Variants in CPXM1 observed in about 807,000 individuals in gnomAD.
CPXM1 encodes probable carboxypeptidase X1.
Under a neutral mutation model 80.4 loss-of-function variants are expected in CPXM1, and 72 were observed. That is an observed-to-expected ratio of 0.90 (90% CI 0.74 to 1.09). CPXM1 has a LOEUF of 1.09. Ranked by LOEUF, CPXM1 falls within the 50% of genes least tolerant of loss-of-function variation. CPXM1 has a pLI of 0.00. For missense variants in CPXM1, 892 were observed against 999.4 expected, an observed-to-expected ratio of 0.89 and a Z score of 1.45; for synonymous variants, 403 against 405.6, an observed-to-expected ratio of 0.99 and a Z score of 0.08.
Position 2,796,628 on chromosome 20 carries a change from T to A in CPXM1, c.944A>T (p.Gln315Leu). The A allele has an allele frequency of 6.2e-7, 1 of 1,614,160 alleles. No homozygotes were observed. The highest frequency in any genetic ancestry group is 8.5e-7 in the Non-Finnish European group (1 of 1,179,998). The part of the protein sequence containing the change: ...MRKLMKQVQE[Q>L]CPNITRIYSI... Reference sequence around the variant, plus strand: ...GTAGATGCGGGTGATGTTGGGGCATTGCTCTTGTACCTGCTTCATCAGCTG... The same window carrying A: ...GTAGATGCGGGTGATGTTGGGGCATAGCTCTTGTACCTGCTTCATCAGCTG... Residue 315 changes from glutamine to leucine, a missense_variant, in exon 8 of 14, where the codon CAA becomes CTA. Around this residue, in one of 2 missense-constraint regions of CPXM1, gnomAD observed 874 missense variants for 958.4 expected, o/e 0.91. Transcript: ENST00000380605. The surrounding 1 kb of genome is among the most constrained non-coding windows in gnomAD (Gnocchi z 6.8).
Position 2,794,532 on chromosome 20 carries a change from C to G in CPXM1, c.1963+5G>C. The G allele has an allele frequency of 6.2e-7, 1 of 1,614,052 alleles. No homozygotes were observed. Among genetic ancestry groups the G allele is most frequent in the East Asian group, 2.2e-5 (1 of 44,872 alleles). ...CCCTTCCCTTGCCCTCCCGGTCAAACACACCCGTGGTCACGTCATGGTTAA... is the reference window on the plus strand; with the variant it reads ...CCCTTCCCTTGCCCTCCCGGTCAAAGACACCCGTGGTCACGTCATGGTTAA... On this transcript the variant is annotated splice_donor_5th_base_variant and intron_variant, in intron 13 of 13. Transcript: ENST00000380605. The surrounding 1 kb of genome is among the most constrained non-coding windows in gnomAD (Gnocchi z 5.2).
intron 1 of CPXM1, 71 bp from the exon 2 acceptor site, chr20:2,798,964 C>A: frequency 4.0e-6 from 6 of 1,504,306 alleles, no homozygotes; most frequent in Non-Finnish European, 5.4e-6. Flanking sequence ...GGTCTGCCAG[C>A]CCAAGAAGAC....
chr20:2,796,956 A>C lies in CPXM1; in HGVS notation c.921+50T>G. On this transcript the variant is annotated intron_variant, in intron 7 of 13. Coordinates refer to ENST00000380605, the MANE Select transcript of CPXM1 (RefSeq NM_019609.5). The surrounding 1 kb of genome is among the most constrained non-coding windows in gnomAD (Gnocchi z 6.8). ...GCCCCGGTGGGAAGGTGGGAAGGGG[A>C]CCTGAGATGGGTGGGCCCTCCTTCC... 6.5e-7 allele frequency: 1 copy of C among 1,532,150 alleles called. No homozygotes were observed. Among genetic ancestry groups the C allele is most frequent in the South Asian group, 1.1e-5 (1 of 88,502 alleles). 94.9% of individuals were successfully genotyped at this position (1,532,150 alleles called of 1,614,324 possible).
At position 2,796,991 on chromosome 20, in the gene CPXM1, G is replaced by A. The variant is rs752260373; in HGVS notation, c.921+15C>T. 2.0e-5 allele frequency: 32 copies of A among 1,610,320 alleles called. No individual in the cohort carries two copies. The highest frequency in any genetic ancestry group is 1.7e-6 in the Non-Finnish European group (2 of 1,176,764). The stretch of plus-strand genomic sequence containing the variant: ...GGTGGGCCCTCCTTCCCAGGTCATA[G>A]GGGTTATATCTGACCTTCCTCATGG... On this transcript the variant is annotated intron_variant, in intron 7 of 13. Coordinates refer to ENST00000380605, the MANE Select transcript of CPXM1 (RefSeq NM_019609.5). This position sits in a 1 kb window ranked among gnomAD's most constrained non-coding sequence, Gnocchi z 6.8.
intron 1 of CPXM1, among the ~76,000 whole-genome samples, chr20:2,799,563 T>C (rs2146563742): frequency 6.6e-6 from 1 of 152,254 alleles, no homozygotes; most frequent in Middle Eastern, 3.4e-3. Context: ...TTTCCGCATC[T>C]GGTGCCCCTG....
chr20:2,795,785 G>A lies in CPXM1; in HGVS notation c.1534C>T (p.Arg512Cys), dbSNP rs577150634. ...AGCTCGCGGGCAGCCCACGGGGTGC[G>A]AGTCATGTCGAATGGGTAGGACACC... The part of the protein sequence containing the change: ...LVVSYPFDMT[R>C]TPWAARELTP... The change falls in exon 11 of 14, where the codon CGC becomes TGC. Residue 512 changes from arginine (R) to cysteine (C), a missense_variant. Transcript: ENST00000380605. This position sits in a 1 kb window ranked among gnomAD's most constrained non-coding sequence, Gnocchi z 5.4. 1.2e-5 allele frequency: 20 copies of A among 1,612,722 alleles called. No individual in the cohort carries two copies. In the East Asian group the frequency reaches 2.0e-4, roughly 16 times the overall value.
chr20:2,797,189 C>T lies in CPXM1; in HGVS notation c.832+3G>A, dbSNP rs2146560317. The T allele has an allele frequency of 6.3e-7, 1 of 1,596,364 alleles. No homozygotes were observed. Among genetic ancestry groups the T allele is most frequent in the Non-Finnish European group, 8.6e-7 (1 of 1,168,680 alleles). On this transcript the variant is annotated splice_donor_region_variant and intron_variant, in intron 6 of 13. Coordinates refer to ENST00000380605, the MANE Select transcript of CPXM1 (RefSeq NM_019609.5). The stretch of plus-strand genomic sequence containing the variant: ...CCCAACCAACCCTGGCCTGACTGCC[C>T]ACCTGAGACTGGGCAGGCCAGGATC...
Position 2,800,467 on chromosome 20 carries a change from T to A in CPXM1, c.106A>T (p.Lys36Ter). Residue 36 changes from lysine (K) to a stop codon, truncating the protein, a stop_gained, in exon 1 of 14, where the codon AAG becomes TAG. Transcript: ENST00000380605. LOFTEE classifies it high-confidence loss of function. The part of the protein sequence containing the change: ...VLGLAQPGTT[K>*]VPGSTPALHS... The stretch of plus-strand genomic sequence containing the variant: ...AGGGCCGGGGTCGAGCCTGGGACCT[T>A]GGTGGTCCCGGGCTGCGCGAGGCCC... 6.8e-7 allele frequency: 1 copy of A among 1,471,456 alleles called. No individual in the cohort carries two copies. Among genetic ancestry groups the A allele is most frequent in the East Asian group, 2.9e-5 (1 of 34,612 alleles). The allele number at this position is 1,471,456 out of a possible 1,614,324, so 91.1% of individuals were successfully genotyped here. A position where few individuals can be genotyped will look rare whatever the true frequency, so the allele number is the denominator to read the frequency against.
rs771334283 is a variant in CPXM1 at position 2,795,904 on chromosome 20, G to A, written c.1423-8C>T. On this transcript the variant is annotated splice_region_variant and splice_polypyrimidine_tract_variant and intron_variant, in intron 10 of 13. Transcript: ENST00000380605. This position sits in a 1 kb window ranked among gnomAD's most constrained non-coding sequence, Gnocchi z 5.4. ...CCGCGTTTCAGGAGCCACCTGGATGGGGCAGGTCAGGAGGGGCAGGAGACA... is the reference window on the plus strand; with the variant it reads ...CCGCGTTTCAGGAGCCACCTGGATGAGGCAGGTCAGGAGGGGCAGGAGACA... The A allele has an allele frequency of 6.2e-7, 1 of 1,608,154 alleles. No individual in the cohort carries two copies. The highest frequency in any genetic ancestry group is 8.5e-7 in the Non-Finnish European group (1 of 1,175,778).
At chr20:2,800,087 A>G (rs1296095513) in intron 1 of CPXM1, among the ~76,000 whole-genome samples, 2 of 151,368 alleles carry the variant, frequency 1.3e-5, no homozygotes, top group Non-Finnish European at 2.9e-5. Flanking sequence ...GAGTGTGTAT[A>G]TGTGTGTGTG....
At position 2,795,145 on chromosome 20, in the gene CPXM1, C is replaced by G. The variant is rs957570144; in HGVS notation, c.1860+132G>C. On this transcript the variant is annotated intron_variant, in intron 12 of 13. Coordinates refer to ENST00000380605, the MANE Select transcript of CPXM1 (RefSeq NM_019609.5). The surrounding 1 kb of genome is among the most constrained non-coding windows in gnomAD (Gnocchi z 5.4). ...GTGTGCTTCCAAGACAATCTGATAC[C>G]AAGCATGGCCCATGGCATCTTGTGA... 1.8e-6 allele frequency: 2 copies of G among 1,114,174 alleles called. No individual in the cohort carries two copies. Among genetic ancestry groups the G allele is most frequent in the Non-Finnish European group, 2.6e-6 (2 of 773,298 alleles). 69.0% of individuals were successfully genotyped at this position (1,114,174 alleles called of 1,614,324 possible). A position where few individuals can be genotyped will look rare whatever the true frequency, so the allele number is the denominator to read the frequency against.
Position 2,794,084 on chromosome 20 carries a change from G to A in CPXM1, c.*106C>T, listed in dbSNP as rs753047072. 1.2e-5 allele frequency: 18 copies of A among 1,445,926 alleles called. No individual in the cohort carries two copies. Among genetic ancestry groups the A allele is most frequent in the East Asian group, 2.3e-5 (1 of 43,706 alleles). The allele number at this position is 1,445,926 out of a possible 1,614,324, so 89.6% of individuals were successfully genotyped here. On this transcript the variant is annotated 3_prime_UTR_variant, in exon 14 of 14. Coordinates refer to ENST00000380605, the MANE Select transcript of CPXM1 (RefSeq NM_019609.5). This position sits in a 1 kb window ranked among gnomAD's most constrained non-coding sequence, Gnocchi z 5.2. ...AACACGAAGATGAGCTAAGGTGCCCGGTAGCTTTAATGAGCACCTTTTCCT... is the reference window on the plus strand; with the variant it reads ...AACACGAAGATGAGCTAAGGTGCCCAGTAGCTTTAATGAGCACCTTTTCCT...
intron 1 of CPXM1, among the ~76,000 whole-genome samples, chr20:2,800,174 C>T (rs2088554361): frequency 2.7e-5 from 4 of 148,484 alleles, no homozygotes; most frequent in African/African-American, 9.9e-5. Context: ...TGTGTGCATG[C>T]GTGTGAATGC....
rs779698196 is a variant in CPXM1 at position 2,796,634 on chromosome 20, T to C, written c.938A>G (p.Gln313Arg). The part of the protein sequence containing the change: ...KAMRKLMKQV[Q>R]EQCPNITRIY... ...GCGGGTGATGTTGGGGCATTGCTCT[T>C]GTACCTGCTTCATCAGCTGGTGGGC... The change falls in exon 8 of 14, where the codon CAA (glutamine) becomes CGA (arginine). Residue 313 changes from glutamine to arginine, a missense_variant. Transcript: ENST00000380605. The surrounding 1 kb of genome is among the most constrained non-coding windows in gnomAD (Gnocchi z 6.8). The C allele has an allele frequency of 5.6e-6, 9 of 1,614,040 alleles. No homozygotes were observed. In the Admixed American group the frequency reaches 1.5e-4, roughly 27 times the overall value.
rs759158386 is a variant in CPXM1, at chr20:2,796,216, G to A, written c.1242+31C>T. The A allele has an allele frequency of 3.1e-6, 5 of 1,610,964 alleles. No individual in the cohort carries two copies. In the South Asian group the frequency reaches 5.5e-5, roughly 18 times the overall value. ...GCAGGTCCAGCCACCAGGGCAGAAGGACAGAGTGGCCCTCATGCTGGGTGG... is the reference window on the plus strand; with the variant it reads ...GCAGGTCCAGCCACCAGGGCAGAAGAACAGAGTGGCCCTCATGCTGGGTGG... On this transcript the variant is annotated intron_variant, in intron 9 of 13. Transcript: ENST00000380605. The surrounding 1 kb of genome is among the most constrained non-coding windows in gnomAD (Gnocchi z 6.8).
At chr20:2,797,391 G>A in intron 5 of CPXM1, 49 bp from the exon 6 acceptor site, 1 of 1,438,318 alleles carries the variant, frequency 7.0e-7, no homozygotes, top group Non-Finnish European at 9.1e-7. Flanking sequence ...CCAGAAGCCT[G>A]GCCCAGGACC....
rs145475367 is a variant in CPXM1, at chr20:2,795,729, G to C, written c.1590C>G (p.Arg530=). The part of the protein sequence containing the change: ...LTPTPDDAVF[R]WLSTVYAGSN... ...TGCCAGCATAGACAGTGCTGAGCCA[G>C]CGAAACACAGCATCATCTGGTGTGG... Residue 530 remains arginine (R), a synonymous_variant, in exon 11 of 14, where the codon CGC becomes CGG. Coordinates refer to ENST00000380605, the MANE Select transcript of CPXM1 (RefSeq NM_019609.5). This position sits in a 1 kb window ranked among gnomAD's most constrained non-coding sequence, Gnocchi z 5.4. 2.9e-5 allele frequency: 47 copies of C among 1,613,960 alleles called. No individual in the cohort carries two copies. In the African/African-American group the frequency reaches 6.1e-4, roughly 21 times the overall value.
intron 1 of CPXM1, 152 bp downstream of exon 1, chr20:2,800,249 G>A: frequency 2.9e-6 from 2 of 690,540 alleles, no homozygotes; most frequent in Admixed American, 4.1e-5. Context: ...GTGTGTGCGC[G>A]TGAGTGCGAG....
Position 2,798,064 on chromosome 20 carries a change from A to C in CPXM1, c.591-6T>G, listed in dbSNP as rs907058052. 2 of 1,614,026 alleles carry C rather than the reference A, an allele frequency of 1.2e-6. No individual in the cohort carries two copies. The highest frequency in any genetic ancestry group is 1.7e-6 in the Non-Finnish European group (2 of 1,180,006). ...ATGATGTGACCCAGTCATACCTGGC[A>C]GGAGAGGTGGAGAGAGATCATCGGT... On this transcript the variant is annotated splice_polypyrimidine_tract_variant and splice_region_variant and intron_variant, in intron 4 of 13. Transcript: ENST00000380605.
Sources: allele counts gnomAD v4.1 joint callset (sites outside exome capture counted in the v4.1 genomes callset), GRCh38; gene constraint gnomAD v4.1.1; regional missense constraint gnomAD v4.1.1; non-coding constraint Gnocchi (gnomAD v3.1); transcripts MANE v1.5; gene names NCBI Gene and HGNC (gene_info 2026-07-23, HGNC 2026-07-21).